Variants in SLC39A11 observed in about 807,000 individuals in gnomAD.
SLC39A11 encodes the protein solute carrier family 39 member 11.
In SLC39A11, 33 loss-of-function variants were observed where a neutral mutation model predicts 36.1. The observed-to-expected ratio is 0.91, with a 90% CI of 0.69 to 1.22. SLC39A11 has a LOEUF of 1.22. Among genes scored for constraint, SLC39A11 ranks in the 50% most tolerant of loss-of-function variants. The pLI, the probability that SLC39A11 is intolerant of heterozygous loss-of-function variation, is 0.00. For synonymous variants in SLC39A11, 166 were observed against 170.3 expected, an observed-to-expected ratio of 0.97 and a Z score of 0.20; for missense variants, 432 against 430.3, an observed-to-expected ratio of 1.00 and a Z score of -0.03.
At chr17:72,966,804 C>T (rs942775920) in intron 4 of SLC39A11, among the ~76,000 whole-genome samples, 42 of 152,232 alleles carry the variant, frequency 2.8e-4, no homozygotes, top group Non-Finnish European at 3.8e-4. Context: ...CTCCTGACCT[C>T]GTGATCCGCC....
intron 3 of SLC39A11, among the ~76,000 whole-genome samples, chr17:73,078,990 CA>C (rs2060424375): frequency 6.6e-6 from 1 of 152,130 alleles, no homozygotes; most frequent in African/African-American, 2.4e-5. Context: ...TTTCAAAAGC[CA>C]AAAAATTTAC....
intron 4 of SLC39A11, among the ~76,000 whole-genome samples, chr17:72,969,072 C>A (rs1188240729): frequency 6.6e-6 from 1 of 152,132 alleles, no homozygotes; most frequent in Non-Finnish European, 1.5e-5. Flanking sequence ...AGGCTTTTCC[C>A]ATGTCTGGGA....
chr17:72,933,601 C>G (rs1001041351), intron 5 of SLC39A11, among the ~76,000 whole-genome samples: 4 of 152,134 alleles, frequency 2.6e-5, no homozygotes, highest in Non-Finnish European at 5.9e-5. Flanking sequence ...CTCACTGCAA[C>G]CTCCGCCTCC....
chr17:73,078,406 G>C (rs546756034), intron 3 of SLC39A11, among the ~76,000 whole-genome samples: 1 of 152,156 alleles, frequency 6.6e-6, no homozygotes, highest in African/African-American at 2.4e-5. Flanking sequence ...TAGGTAGGTA[G>C]GTAAGTAAGG....
intron 6 of SLC39A11, chr17:72,837,841 G>C: frequency 1.2e-6 from 1 of 828,974 alleles, no homozygotes; most frequent in Non-Finnish European, 1.6e-6. Context: ...TCCCGGTTAG[G>C]GAAACTGTAG....
At chr17:73,010,778 G>A (rs1368435776) in intron 4 of SLC39A11, among the ~76,000 whole-genome samples, 1 of 152,158 alleles carries the variant, frequency 6.6e-6, no homozygotes, top group Non-Finnish European at 1.5e-5. Context: ...TCTCCTGCGT[G>A]TTTAATTATC....
intron 5 of SLC39A11, among the ~76,000 whole-genome samples, chr17:72,930,803 G>A (rs557651343): frequency 6.6e-6 from 1 of 152,294 alleles, no homozygotes; most frequent in South Asian, 2.1e-4. Flanking sequence ...TAGCACTGTA[G>A]GCTAATGGGC....
intron 5 of SLC39A11, among the ~76,000 whole-genome samples, chr17:72,858,928 A>G: frequency 6.6e-6 from 1 of 152,236 alleles, no homozygotes. Context: ...ATATAGAATC[A>G]TGCCATATGC....
chr17:72,743,544 T>G (rs2074804722), intron 6 of SLC39A11, among the ~76,000 whole-genome samples: 1 of 152,050 alleles, frequency 6.6e-6, no homozygotes. Flanking sequence ...CAGCCCACTT[T>G]CCCCCTGGAT....
intron 6 of SLC39A11, among the ~76,000 whole-genome samples, chr17:72,841,518 T>C (rs1004742910): frequency 6.6e-5 from 10 of 151,802 alleles, no homozygotes; most frequent in African/African-American, 1.9e-4. Flanking sequence ...CTCATGGAGA[T>C]AGAGAGGAGA....
chr17:72,832,966 T>C (rs967190612), intron 6 of SLC39A11, among the ~76,000 whole-genome samples: 3 of 152,218 alleles, frequency 2.0e-5, no homozygotes, highest in Non-Finnish European at 4.4e-5. Context: ...TGGTGGTCCA[T>C]CCTGCTTGCA....
At chr17:72,947,975 C>A in intron 4 of SLC39A11, 100 bp from the exon 5 acceptor site, 2 of 1,465,232 alleles carry the variant, frequency 1.4e-6, no homozygotes, top group Non-Finnish European at 1.9e-6. Context: ...CAGTCTCTAC[C>A]AAGACCGCCA....
At chr17:72,771,303 A>G (rs1180250529) in intron 6 of SLC39A11, among the ~76,000 whole-genome samples, 1 of 150,862 alleles carries the variant, frequency 6.6e-6, no homozygotes, top group Non-Finnish European at 1.5e-5. Flanking sequence ...GTGAGCCGAG[A>G]TCGTGCCGCT....
At chr17:72,746,044 G>A (rs2074921845) in intron 6 of SLC39A11, among the ~76,000 whole-genome samples, 1 of 152,160 alleles carries the variant, frequency 6.6e-6, no homozygotes, top group South Asian at 2.1e-4. Flanking sequence ...GCTTGAGAGA[G>A]GAGGGCTTTG....
At chr17:72,912,240 C>A (rs889921891) in intron 5 of SLC39A11, among the ~76,000 whole-genome samples, 6 of 151,744 alleles carry the variant, frequency 4.0e-5, no homozygotes, top group Non-Finnish European at 8.8e-5. Flanking sequence ...TGATATGGAC[C>A]CTGCAGAAGC....
intron 4 of SLC39A11, among the ~76,000 whole-genome samples, chr17:72,980,097 G>A (rs576038595): frequency 6.6e-6 from 1 of 152,218 alleles, no homozygotes; most frequent in Admixed American, 6.5e-5. Flanking sequence ...ACAATAGCGG[G>A]ACCCAGGTGC....
chr17:72,778,456 C>T (rs1475713671), intron 6 of SLC39A11, among the ~76,000 whole-genome samples: 1 of 152,230 alleles, frequency 6.6e-6, no homozygotes, highest in East Asian at 1.9e-4. Flanking sequence ...CCCTTAAGCA[C>T]TGATATTTTC....
rs2077099548 is a variant in SLC39A11 at position 72,801,997 on chromosome 17, C to G, written c.601+47637G>C. ...CGAGTCATCTGTCAAACGAGAATAA[C>G]AGTTCCGTAGAATCACTGTGAAGAT... On this transcript the variant is annotated intron_variant, in intron 6 of 9. Transcript: ENST00000255559. 3.9e-5 allele frequency among the ~76,000 whole-genome samples: 6 copies of G among 152,302 alleles called. No homozygotes were observed. In the South Asian group the frequency reaches 1.2e-3, roughly 32 times the overall value.
At chr17:72,648,727 A>C in intron 9 of SLC39A11, 76 bp downstream of exon 9, 2 of 1,565,828 alleles carry the variant, frequency 1.3e-6, no homozygotes, top group East Asian at 4.5e-5. Context: ...AGGCAAATGA[A>C]GAAAGAGCAT....
Sources: gnomAD v4.1 joint callset for allele counts (sites outside exome capture counted in the v4.1 genomes callset) on GRCh38, gnomAD v4.1.1 for gene constraint, MANE v1.5 for transcripts, NCBI Gene and HGNC (gene_info 2026-07-23, HGNC 2026-07-21) for gene names.